The following PGBD2 variants were observed in gnomAD, a reference collection of about 807,000 sequenced individuals.
PGBD2 encodes the protein piggyBac transposable element derived 2.
A neutral mutation model predicts 8.1 loss-of-function variants in PGBD2; 6 were observed. That is an observed-to-expected ratio of 0.74 (90% CI 0.40 to 1.46). PGBD2 has a LOEUF of 1.46. Among genes scored for constraint, PGBD2 ranks in the 40% most tolerant of loss-of-function variants. PGBD2 has a pLI of 0.02. For synonymous variants in PGBD2, 318 were observed against 272.2 expected (o/e 1.17, Z -1.66); for missense variants, 802 against 739.0 (o/e 1.09, Z -0.99).
At chr1:248,897,495 C>T in the PGBD2 span, among the ~76,000 whole-genome samples, 2,042 of 152,202 alleles carry the variant, frequency 0.013, 28 homozygotes, top group East Asian at 0.036. Context: ...TATTTCTTTA[C>T]GGCACTGGGG....
downstream of PGBD2, among the ~76,000 whole-genome samples, chr1:248,920,922 A>C (rs147274154): frequency 1.3e-5 from 2 of 151,298 alleles, no homozygotes; most frequent in African/African-American, 4.9e-5. Flanking sequence ...TCATATGTCT[A>C]TTGGCTGCAT....
intron 2 of PGBD2, chr1:248,914,636 G>A (rs1243859740): frequency 3.9e-6 from 5 of 1,273,182 alleles, no homozygotes; most frequent in Non-Finnish European, 5.1e-6. Flanking sequence ...AGAGGTTGGG[G>A]CCTGCAAAGG....
the PGBD2 span, among the ~76,000 whole-genome samples, chr1:248,888,196 TTGTGAATAGTGCTGCAATAAAC>T: frequency 6.6e-6 from 1 of 152,218 alleles, no homozygotes; most frequent in Non-Finnish European, 1.5e-5. Flanking sequence ...ATCCATGCTA[TTGTGAATAGTGCTGCAATAAAC>T]TTATGAGCGC....
the PGBD2 span, among the ~76,000 whole-genome samples, chr1:248,926,224 C>G: frequency 4.6e-5 from 7 of 152,266 alleles, no homozygotes; most frequent in East Asian, 1.2e-3. Context: ...TGATGCCACT[C>G]ACAGACCACC....
chr1:248,890,208 G>A, the PGBD2 span, among the ~76,000 whole-genome samples: 9 of 152,098 alleles, frequency 5.9e-5, no homozygotes, highest in African/African-American at 2.2e-4. Context: ...TTACAGGCGT[G>A]AGTCTCTGCA....
chr1:248,921,973 A>G (rs1458759569), downstream of PGBD2, among the ~76,000 whole-genome samples: 1 of 152,014 alleles, frequency 6.6e-6, no homozygotes, highest in East Asian at 1.9e-4. Context: ...ATTTTTGCAC[A>G]TTGATTTTAT....
chr1:248,921,016 G>A (rs1456554502), downstream of PGBD2, among the ~76,000 whole-genome samples: 1 of 150,788 alleles, frequency 6.6e-6, no homozygotes, highest in African/African-American at 2.4e-5. Context: ...ATTTGTTTAA[G>A]TTCTTTGTAG....
the PGBD2 span, among the ~76,000 whole-genome samples, chr1:248,899,845 A>C: frequency 4.2e-4 from 64 of 151,788 alleles, no homozygotes; most frequent in African/African-American, 1.5e-3. Flanking sequence ...ACACTAATAC[A>C]GAAAAGAAGG....
At chr1:248,928,915 G>A in the PGBD2 span, among the ~76,000 whole-genome samples, 1 of 152,134 alleles carries the variant, frequency 6.6e-6, no homozygotes, top group African/African-American at 2.4e-5. Flanking sequence ...ATTCCTGAAG[G>A]AACCTAAGAA....
intron 1 of PGBD2, among the ~76,000 whole-genome samples, chr1:248,912,359 A>C (rs1238825245): frequency 6.6e-6 from 1 of 152,178 alleles, no homozygotes; most frequent in Non-Finnish European, 1.5e-5. Context: ...ATGCCCTTGG[A>C]CACTAACACT....
chr1:248,873,319 G>C, the PGBD2 span, among the ~76,000 whole-genome samples: 1 of 152,202 alleles, frequency 6.6e-6, no homozygotes, highest in Non-Finnish European at 1.5e-5. Flanking sequence ...CTCTGACCTA[G>C]GACCTCCCGA....
In PGBD2 at chr1:248,918,221, G is replaced by A. The variant is rs377015914; in HGVS notation, c.1637G>A (p.Arg546His). Residue 546 changes from arginine to histidine, a missense_variant, in exon 3 of 3, where the codon CGC becomes CAC. Physicochemically the swap from Arg to His is conservative, Grantham distance 29. Coordinates refer to ENST00000329291, the MANE Select transcript of PGBD2 (RefSeq NM_170725.3). ...AGCAGGCGGTTGGAGACTGAGAGCC[G>A]CTTCGATATGATTGGGCACTGGATT... ...RRSRRLETES[R>H]FDMIGHWIIH... 2.0e-5 allele frequency: 32 copies of A among 1,613,996 alleles called. No individual in the cohort carries two copies. In the South Asian group the frequency reaches 3.2e-4, roughly 16 times the overall value.
At chr1:248,928,030 T>C in the PGBD2 span, among the ~76,000 whole-genome samples, 32 of 152,248 alleles carry the variant, frequency 2.1e-4, no homozygotes, top group African/African-American at 7.2e-4. Flanking sequence ...CAACCCAGGG[T>C]GTTTCGACTT....
chr1:248,874,272 T>G, the PGBD2 span, among the ~76,000 whole-genome samples: 2 of 152,164 alleles, frequency 1.3e-5, no homozygotes, highest in Admixed American at 1.3e-4. Context: ...GTGGTTAGGA[T>G]TCGGCGCTCT....
At chr1:248,916,437 G>T (rs1398406353) in intron 2 of PGBD2, among the ~76,000 whole-genome samples, 165 bp from the exon 3 acceptor site, 1 of 152,120 alleles carries the variant, frequency 6.6e-6, no homozygotes, top group Non-Finnish European at 1.5e-5. Flanking sequence ...AGCAGAATCT[G>T]TGTTTAGCTG....
the PGBD2 span, among the ~76,000 whole-genome samples, chr1:248,890,173 T>C: frequency 4.4e-4 from 67 of 152,202 alleles, no homozygotes; most frequent in East Asian, 1.7e-3. Flanking sequence ...GTGATCCGCC[T>C]GACTCAGCCT....
intron 1 of PGBD2, among the ~76,000 whole-genome samples, chr1:248,907,225 T>G (rs906859327): frequency 1.3e-5 from 2 of 152,254 alleles, no homozygotes; most frequent in East Asian, 1.9e-4. Context: ...TGCCTGGATG[T>G]GCACGTAGGC....
rs112990201 is a variant in PGBD2, at chr1:248,913,763, C to T, written c.-47-53C>T. ...TTAAATGGTAGAAAAGATCCTGTTG[C>T]CTTGCTTCTTAAGATACAATTTTTT... On this transcript the variant is annotated intron_variant, in intron 1 of 2. Transcript: ENST00000329291. 477 of 912,830 alleles carry T rather than the reference C, an allele frequency of 5.2e-4. 1 individual carries two copies. The African/African-American group carries it at 6.7e-3, about 13-fold the overall frequency. The allele number at this position is 912,830 out of a possible 1,614,324, so 56.5% of individuals were successfully genotyped here. A position where few individuals can be genotyped will look rare whatever the true frequency, so the allele number is the denominator to read the frequency against.
At chr1:248,916,527 G>A (rs1662103134) in intron 2 of PGBD2, 75 bp from the exon 3 acceptor site, 2 of 1,302,322 alleles carry the variant, frequency 1.5e-6, no homozygotes, top group South Asian at 1.3e-5. Context: ...TATAGTGGGA[G>A]CACCCTCCTC....
Sources: allele counts gnomAD v4.1 joint callset (sites outside exome capture counted in the v4.1 genomes callset), GRCh38; gene constraint gnomAD v4.1.1; transcripts MANE v1.5; gene names NCBI Gene and HGNC (gene_info 2026-07-23, HGNC 2026-07-21).